Variants in TTC21B observed in about 807,000 individuals in gnomAD.
TTC21B encodes the protein tetratricopeptide repeat domain 21B.
TTC21B carries 127 observed loss-of-function variants against 175.1 expected under a neutral mutation model. The observed-to-expected ratio is 0.73, with a 90% CI of 0.63 to 0.84. The LOEUF (loss-of-function observed/expected upper bound fraction) is 0.84. Ranked by LOEUF, TTC21B falls within the 40% of genes least tolerant of loss-of-function variation. TTC21B has a pLI of 0.00. For synonymous variants in TTC21B, 524 were observed against 524.5 expected, an observed-to-expected ratio of 1.00 and a Z score of 0.01; for missense variants, 1,561 against 1,558.3, an observed-to-expected ratio of 1.00 and a Z score of -0.03.
At chr2:165,900,317 G>GT (rs1347664395) in intron 20 of TTC21B, among the ~76,000 whole-genome samples, 3 of 152,122 alleles carry the variant, frequency 2.0e-5, no homozygotes, top group African/African-American at 7.2e-5. Flanking sequence ...ACTGAAAAAG[G>GT]TATCTGTTTG....
At position 165,874,136 on chromosome 2, in the gene TTC21B, A is replaced by C. The variant is rs985165637; in HGVS notation, c.*619T>G. 1 of 152,236 alleles carries C rather than the reference A, an allele frequency of 6.6e-6. No individual in the cohort carries two copies. Among genetic ancestry groups the C allele is most frequent in the African/African-American group, 2.4e-5 (1 of 41,420 alleles). 9.4% of individuals were successfully genotyped at this position (152,236 alleles called of 1,614,324 possible). A position where few individuals can be genotyped will look rare whatever the true frequency, so the allele number is the denominator to read the frequency against. The stretch of plus-strand genomic sequence containing the variant: ...CCGAGGCAGGTGGATCACAAGGTCA[A>C]GAGATCAAGCCCCTCCTGGCTAACA... On this transcript the variant is annotated 3_prime_UTR_variant, in exon 29 of 29. Transcript: ENST00000243344.
At position 165,898,193 on chromosome 2, in the gene TTC21B, G is replaced by T. The variant is rs185071824; in HGVS notation, c.2950+493C>A. Among the ~76,000 whole-genome samples the T allele has an allele frequency of 4.2e-4, 64 of 152,280 alleles. 1 individual carries two copies. The highest frequency in any genetic ancestry group is 1.0e-3 in the Admixed American group (16 of 15,300). ...GATTAGAAAAAAAATGATAATTCAA[G>T]AGAGAGAACTGTAAGAGTGAAGCCC... On this transcript the variant is annotated intron_variant, in intron 22 of 28. Coordinates refer to ENST00000243344, the MANE Select transcript of TTC21B (RefSeq NM_024753.5).
intron 19 of TTC21B, among the ~76,000 whole-genome samples, chr2:165,905,656 T>C (rs1024156330): frequency 1.3e-5 from 2 of 151,924 alleles, no homozygotes; most frequent in Admixed American, 1.3e-4. Context: ...GAAGCAAAAA[T>C]ACATAGAACT....
In TTC21B at chr2:165,914,980, A is replaced by T. The variant is rs917166790; in HGVS notation, c.2138+221T>A. ...TAATATTTGATAAGGAGAGCTGAGA[A>T]ACTACAGCAAGCCAGTTTGAAGGAA... On this transcript the variant is annotated intron_variant, in intron 15 of 28. Coordinates refer to ENST00000243344, the MANE Select transcript of TTC21B (RefSeq NM_024753.5). Among the ~76,000 whole-genome samples, 5 of 152,132 alleles carry T rather than the reference A, an allele frequency of 3.3e-5. No homozygotes were observed. The South Asian group carries it at 1.0e-3, about 31-fold the overall frequency.
Position 165,953,591 on chromosome 2 carries a change from G to A in TTC21B, c.21+94C>T. ...CGCAGGGAAACAGCGGCCTAGCGAA[G>A]CCACCCGAGCTCCCTCCGCGCCCCC... On this transcript the variant is annotated intron_variant, in intron 1 of 28. Transcript: ENST00000243344. 2.6e-6 allele frequency: 4 copies of A among 1,527,740 alleles called. 1 individual carries two copies. The South Asian group carries it at 4.8e-5, about 18-fold the overall frequency. 94.6% of individuals were successfully genotyped at this position (1,527,740 alleles called of 1,614,324 possible).
In TTC21B at chr2:165,884,015, C is replaced by T. The variant is rs751321803; in HGVS notation, c.3463G>A (p.Glu1155Lys). 6.2e-7 allele frequency: 1 copy of T among 1,613,790 alleles called. No homozygotes were observed. Among genetic ancestry groups the T allele is most frequent in the Non-Finnish European group, 8.5e-7 (1 of 1,179,866 alleles). ...ATTCCCAAGAGCGCTGGGATATGCT[C>T]CTTCTATAAGAAAACAAAATTTTAG... ...TFTEIAASEK[E>K]HIPALLGMAT... The change falls in exon 26 of 29, where the codon GAG (glutamate) becomes AAG (lysine). Residue 1155 changes from glutamate to lysine, a missense_variant. Glu to Lys is a moderately conservative substitution (Grantham distance 56, BLOSUM62 1). Coordinates refer to ENST00000243344, the MANE Select transcript of TTC21B (RefSeq NM_024753.5).
intron 6 of TTC21B, among the ~76,000 whole-genome samples, chr2:165,933,385 T>G (rs1686983999): frequency 6.6e-6 from 1 of 152,172 alleles, no homozygotes; most frequent in Non-Finnish European, 1.5e-5. Flanking sequence ...GGCTGACTTA[T>G]TACAGGAATT....
rs1559065007 is a variant in TTC21B, at chr2:165,927,320, A to ATCCTAGTAGTT, written c.1386+1814_1386+1815insAACTACTAGGA. Among the ~76,000 whole-genome samples, 5 of 54,308 alleles carry ATCCTAGTAGTT rather than the reference A, an allele frequency of 9.2e-5. 2 individuals carry two copies. Among genetic ancestry groups the ATCCTAGTAGTT allele is most frequent in the Non-Finnish European group, 1.4e-4 (3 of 21,960 alleles). The allele number at this position is 54,308 out of a possible 152,430, so 35.6% of individuals were successfully genotyped here. A position where few individuals can be genotyped will look rare whatever the true frequency, so the allele number is the denominator to read the frequency against. ...TATATATATATATTATATATTATAT[A>ATCCTAGTAGTT]ATATATATATAATATATAATATATA... On this transcript the variant is annotated intron_variant, in intron 11 of 28. Transcript: ENST00000243344.
chr2:165,953,013 C>T (rs753097376), intron 1 of TTC21B, among the ~76,000 whole-genome samples: 14 of 152,206 alleles, frequency 9.2e-5, no homozygotes, highest in Non-Finnish European at 1.8e-4. Context: ...CAGTTTTGCT[C>T]ACTGCTATCT....
intron 12 of TTC21B, among the ~76,000 whole-genome samples, chr2:165,924,227 T>C (rs899021248): frequency 3.3e-5 from 5 of 152,242 alleles, no homozygotes; most frequent in Non-Finnish European, 7.3e-5. Flanking sequence ...CATTTGGTTA[T>C]ACCAGTAAGA....
chr2:165,931,716 A>G (rs758898816), intron 8 of TTC21B, 42 bp downstream of exon 8: 6 of 1,495,768 alleles, frequency 4.0e-6, no homozygotes, highest in East Asian at 2.3e-5. Flanking sequence ...TATGTCCTCT[A>G]CTATAGATAA....
chr2:165,911,281 G>T, intron 18 of TTC21B, 46 bp downstream of exon 18: 1 of 1,608,492 alleles, frequency 6.2e-7, no homozygotes, highest in Non-Finnish European at 8.5e-7. Context: ...AAAATAAAAT[G>T]GATCAGAGTT....
At chr2:165,882,665 C>T (rs1393268393) in intron 26 of TTC21B, among the ~76,000 whole-genome samples, 1 of 152,076 alleles carries the variant, frequency 6.6e-6, no homozygotes, top group Non-Finnish European at 1.5e-5. Context: ...TTCAAGTTTC[C>T]TAAGCTTTAG....
rs1574070787 is a variant in TTC21B at position 165,890,478 on chromosome 2, C to T, written c.3263+1G>A. ...AAAGGATAATATGTCAAATAACTCA[C>T]CCCAGGTCTCCATCCAGGTTTTCAA... On this transcript the variant is annotated splice_donor_variant, in intron 24 of 28. Coordinates refer to ENST00000243344, the MANE Select transcript of TTC21B (RefSeq NM_024753.5). LOFTEE classifies it high-confidence loss of function. 1 of 1,613,166 alleles carries T rather than the reference C, an allele frequency of 6.2e-7. No individual in the cohort carries two copies. Among genetic ancestry groups the T allele is most frequent in the Non-Finnish European group, 8.5e-7 (1 of 1,179,452 alleles).
intron 6 of TTC21B, among the ~76,000 whole-genome samples, chr2:165,937,964 C>T (rs1048528083): frequency 1.3e-5 from 2 of 152,132 alleles, no homozygotes; most frequent in Non-Finnish European, 2.9e-5. Context: ...GGAAGTAATA[C>T]ACAAAATGAG....
chr2:165,952,366 A>G lies in TTC21B; in HGVS notation c.21+1319T>C, dbSNP rs1559080162. On this transcript the variant is annotated intron_variant, in intron 1 of 28. Coordinates refer to ENST00000243344, the MANE Select transcript of TTC21B (RefSeq NM_024753.5). ...GTATTGTCTATGGCTGTTTTGAACA[A>G]GCCAATTAGATGTGATAGACCATAC... Among the ~76,000 whole-genome samples the G allele has an allele frequency of 3.3e-5, 5 of 152,252 alleles. No individual in the cohort carries two copies. The East Asian group carries it at 9.7e-4, about 29-fold the overall frequency.
At chr2:165,919,515 A>G (rs1183568131) in intron 12 of TTC21B, 82 bp from the exon 13 acceptor site, 5 of 1,461,460 alleles carry the variant, frequency 3.4e-6, no homozygotes, top group Non-Finnish European at 4.8e-6. Context: ...AAGAGTGTTT[A>G]GTTTACGGAT....
At chr2:165,891,523 T>A (rs1685192331) in intron 22 of TTC21B, among the ~76,000 whole-genome samples, 1 of 152,112 alleles carries the variant, frequency 6.6e-6, no homozygotes, top group Non-Finnish European at 1.5e-5. Context: ...TACTAGAACC[T>A]TAGCATATTA....
chr2:165,898,071 G>A (rs1685429399), intron 22 of TTC21B, among the ~76,000 whole-genome samples: 1 of 152,164 alleles, frequency 6.6e-6, no homozygotes, highest in South Asian at 2.1e-4. Flanking sequence ...AAGAACTGAG[G>A]AAGGGCATAG....
Sources: allele counts gnomAD v4.1 joint callset (sites outside exome capture counted in the v4.1 genomes callset), GRCh38; gene constraint gnomAD v4.1.1; transcripts MANE v1.5; gene names NCBI Gene and HGNC (gene_info 2026-07-23, HGNC 2026-07-21).